Variants in SMPD3 observed in about 807,000 individuals in gnomAD.
The protein encoded by SMPD3 is sphingomyelin phosphodiesterase 3, also known as nSMase-2.
A neutral mutation model predicts 55.7 loss-of-function variants in SMPD3; 21 were observed. The ratio of observed to expected loss-of-function variants is 0.38; its 90% CI spans 0.27 to 0.54. SMPD3 has a LOEUF of 0.54. Among genes scored for constraint, SMPD3 ranks in the 20% least tolerant of loss-of-function variants. The probability of loss-of-function intolerance (pLI) is 0.80; values close to 1 mark genes in which losing one functional copy is unlikely to be tolerated. For missense variants in SMPD3, 842 were observed against 899.6 expected, an observed-to-expected ratio of 0.94 and a Z score of 0.82; for synonymous variants, 457 against 404.3, an observed-to-expected ratio of 1.13 and a Z score of -1.56.
intron 1 of SMPD3, among the ~76,000 whole-genome samples, chr16:68,401,905 T>G (rs2090209804): frequency 6.6e-6 from 1 of 152,146 alleles, no homozygotes; most frequent in South Asian, 2.1e-4. Context: ...CCTTCCCGAC[T>G]GCCAGCCCAG....
chr16:68,434,096 T>C (rs1185492585), intron 1 of SMPD3, among the ~76,000 whole-genome samples: 1 of 152,226 alleles, frequency 6.6e-6, no homozygotes, highest in Non-Finnish European at 1.5e-5. Flanking sequence ...TTAACACATG[T>C]TGCAGGCATG....
intron 1 of SMPD3, among the ~76,000 whole-genome samples, chr16:68,414,521 C>A (rs745439267): frequency 6.6e-6 from 1 of 152,194 alleles, no homozygotes; most frequent in Non-Finnish European, 1.5e-5. Context: ...CTAGGTCTGG[C>A]AGTCAGATTT....
At position 68,418,941 on chromosome 16, in the gene SMPD3, G is replaced by A. The variant is rs118124738; in HGVS notation, c.-269+29412C>T. ...GTCTGCTAGATGTATCCTCCTAGAG[G>A]GGAGAAAGGGATGGTGTGAGTGCAG... On this transcript the variant is annotated intron_variant, in intron 1 of 8. Coordinates refer to ENST00000219334, the MANE Select transcript of SMPD3 (RefSeq NM_018667.4). Among the ~76,000 whole-genome samples, 1,160 of 152,280 alleles carry A rather than the reference G, an allele frequency of 7.6e-3. 29 individuals are homozygous for A. The highest frequency in any genetic ancestry group is 0.064 in the Admixed American group (978 of 15,294).
At chr16:68,381,725 C>A (rs2151996503) in intron 2 of SMPD3, among the ~76,000 whole-genome samples, 1 of 152,286 alleles carries the variant, frequency 6.6e-6, no homozygotes, top group East Asian at 1.9e-4. Flanking sequence ...GAGCAGGGCC[C>A]CAGCTAACCC....
intron 5 of SMPD3, 131 bp downstream of exon 5, chr16:68,364,620 C>G (rs1227829322): frequency 1.0e-5 from 11 of 1,059,012 alleles, no homozygotes; most frequent in South Asian, 1.6e-5. Flanking sequence ...ATCAGTCTTG[C>G]TAAATACCCC....
chr16:68,383,597 A>G (rs796184206), intron 2 of SMPD3, among the ~76,000 whole-genome samples: 8 of 151,900 alleles, frequency 5.3e-5, no homozygotes, highest in African/African-American at 1.9e-4. Flanking sequence ...CCCTTGGAGG[A>G]TCCCTCAGAG....
At chr16:68,429,718 C>T (rs4783631) in intron 1 of SMPD3, among the ~76,000 whole-genome samples, 116,106 of 152,062 alleles carry the variant, frequency 0.76, 44,637 homozygotes, top group East Asian at 0.88. Context: ...TGCCCTTCTC[C>T]GTGCTTTTCA....
intron 2 of SMPD3, among the ~76,000 whole-genome samples, chr16:68,384,470 A>C (rs1282052018): frequency 6.6e-6 from 1 of 152,192 alleles, no homozygotes; most frequent in East Asian, 1.9e-4. Flanking sequence ...AGCCCCTGAT[A>C]GATCTGACAC....
intron 7 of SMPD3, 126 bp downstream of exon 7, chr16:68,363,370 C>G (rs2089373051): frequency 9.6e-7 from 1 of 1,042,092 alleles, no homozygotes; most frequent in Non-Finnish European, 1.5e-6. Flanking sequence ...AGATGAGGGA[C>G]AGGTTTCTGC....
At chr16:68,416,409 C>T (rs1466809887) in intron 1 of SMPD3, among the ~76,000 whole-genome samples, 2 of 152,224 alleles carry the variant, frequency 1.3e-5, no homozygotes, top group African/African-American at 4.8e-5. Flanking sequence ...CTCTTCCCTC[C>T]ACAAATCATT....
rs760980245 is a variant in SMPD3, at chr16:68,361,663, G to T, written c.1806C>A (p.Asn602Lys). Residue 602 changes from asparagine (N) to lysine (K), a missense_variant, in exon 8 of 9, where the codon AAC (asparagine) becomes AAA (lysine). Asn to Lys is a moderately conservative substitution (Grantham distance 94, BLOSUM62 0). This residue lies in a region of SMPD3 where 649 missense variants were observed against 643.6 expected (regional missense o/e 1.01). Coordinates refer to ENST00000219334, the MANE Select transcript of SMPD3 (RefSeq NM_018667.4). ...QKGRKELLKG[N>K]GRRIDYMLHA... ...GCAGCATGTAGTCGATGCGCCGGCC[G>T]TTGCCCTTCAGCAGCTCCTTCCGCC... 6.2e-7 allele frequency: 1 copy of T among 1,612,336 alleles called. No homozygotes were observed. Among genetic ancestry groups the T allele is most frequent in the Non-Finnish European group, 8.5e-7 (1 of 1,179,966 alleles).
At chr16:68,395,800 G>C (rs915733844) in intron 1 of SMPD3, among the ~76,000 whole-genome samples, 4 of 152,140 alleles carry the variant, frequency 2.6e-5, no homozygotes, top group African/African-American at 9.7e-5. Context: ...GTTTGAGAAG[G>C]AAATAGAAAA....
chr16:68,362,033 C>T (rs2089300512), intron 7 of SMPD3, among the ~76,000 whole-genome samples: 1 of 152,212 alleles, frequency 6.6e-6, no homozygotes, highest in Non-Finnish European at 1.5e-5. Flanking sequence ...CCTTTCTGAA[C>T]TCGGACAGAA....
chr16:68,385,932 G>A (rs979418859), intron 2 of SMPD3, among the ~76,000 whole-genome samples: 2 of 145,664 alleles, frequency 1.4e-5, no homozygotes, highest in East Asian at 3.9e-4. Context: ...ATTAAAAAAT[G>A]TGATTTTTGG....
intron 1 of SMPD3, among the ~76,000 whole-genome samples, chr16:68,409,704 C>T (rs1252411484): frequency 1.3e-5 from 2 of 152,200 alleles, no homozygotes; most frequent in East Asian, 3.9e-4. Flanking sequence ...CGCCATTCTC[C>T]TGCCTCAGCC....
chr16:68,413,240 G>C (rs1448801109), intron 1 of SMPD3, among the ~76,000 whole-genome samples: 1 of 152,194 alleles, frequency 6.6e-6, no homozygotes, highest in Non-Finnish European at 1.5e-5. Flanking sequence ...TTTCTGCCCT[G>C]GCCTCCATAG....
At chr16:68,370,150 T>TA (rs1430040618) in intron 3 of SMPD3, 3 of 152,356 alleles carry the variant, frequency 2.0e-5, no homozygotes, top group African/African-American at 7.2e-5. Flanking sequence ...CAGTAGAAGA[T>TA]AATGTGTAAT....
At chr16:68,401,361 C>G (rs1039052788) in intron 1 of SMPD3, among the ~76,000 whole-genome samples, 1 of 152,060 alleles carries the variant, frequency 6.6e-6, no homozygotes, top group Admixed American at 6.5e-5. Context: ...TAGGTTTTTG[C>G]CACCCAGCTC....
chr16:68,416,426 G>A (rs1228530478), intron 1 of SMPD3, among the ~76,000 whole-genome samples: 1 of 152,052 alleles, frequency 6.6e-6, no homozygotes, highest in Admixed American at 6.6e-5. Context: ...CATTGCCACC[G>A]CCCAGCTGGG....
Sources: gnomAD v4.1 joint callset for allele counts (sites outside exome capture counted in the v4.1 genomes callset) on GRCh38, gnomAD v4.1.1 for gene constraint, gnomAD v4.1.1 regional missense constraint, MANE v1.5 for transcripts, NCBI Gene and HGNC (gene_info 2026-07-23, HGNC 2026-07-21) for gene names.